Variants in SNTG2 observed in about 807,000 individuals in gnomAD.
SNTG2 encodes the protein gamma-2-syntrophin.
SNTG2 carries 74 observed loss-of-function variants against 70.9 expected under a neutral mutation model. That is an observed-to-expected ratio of 1.04 (90% CI 0.86 to 1.27). The LOEUF is 1.27. Among genes scored for constraint, SNTG2 ranks in the 50% most tolerant of loss-of-function variants. The probability of loss-of-function intolerance (pLI) is 0.00; values close to 1 mark genes in which losing one functional copy is unlikely to be tolerated. For synonymous variants in SNTG2, 278 were observed against 273.8 expected, an observed-to-expected ratio of 1.02 and a Z score of -0.15; for missense variants, 717 against 690.7, an observed-to-expected ratio of 1.04 and a Z score of -0.43.
chr2:1,250,468 ACT>A (rs748515720), intron 12 of SNTG2, among the ~76,000 whole-genome samples: 5 of 139,732 alleles, frequency 3.6e-5, no homozygotes, highest in Admixed American at 7.0e-5. Flanking sequence ...TCTCTGTCTG[ACT>A]CTCTCTGTGT....
intron 4 of SNTG2, chr2:1,102,713 AAG>A (rs1216623306): frequency 6.6e-6 from 1 of 152,320 alleles, no homozygotes; most frequent in Admixed American, 6.5e-5. Flanking sequence ...ATATCAGGGT[AAG>A]AGAATTTTTA....
intron 16 of SNTG2, among the ~76,000 whole-genome samples, chr2:1,350,150 C>A (rs185541321): frequency 6.6e-6 from 1 of 152,068 alleles, no homozygotes; most frequent in Non-Finnish European, 1.5e-5. Context: ...GACATTGCAT[C>A]CCCCTCCCTG....
intron 1 of SNTG2, among the ~76,000 whole-genome samples, chr2:1,012,074 C>T (rs1558309455): frequency 6.6e-6 from 1 of 152,212 alleles, no homozygotes; most frequent in South Asian, 2.1e-4. Context: ...ATCAAGCAAT[C>T]TCTAAATCAT....
At chr2:1,335,698 T>C (rs533717639) in intron 16 of SNTG2, among the ~76,000 whole-genome samples, 8 of 152,092 alleles carry the variant, frequency 5.3e-5, no homozygotes, top group African/African-American at 1.2e-4. Context: ...TGGGTCTGGA[T>C]TGAACACCGA....
intron 1 of SNTG2, among the ~76,000 whole-genome samples, chr2:979,508 G>GT (rs1016300159): frequency 2.0e-5 from 3 of 152,100 alleles, no homozygotes; most frequent in African/African-American, 4.8e-5. Context: ...TATCTTTGTG[G>GT]TTTTTACCAC....
chr2:1,314,169 T>C (rs1328703307), intron 15 of SNTG2, among the ~76,000 whole-genome samples: 1 of 152,208 alleles, frequency 6.6e-6, no homozygotes, highest in African/African-American at 2.4e-5. Context: ...CTGCGCTCTT[T>C]CTTCAAAATC....
intron 9 of SNTG2, among the ~76,000 whole-genome samples, chr2:1,221,453 CTCTCTG>C (rs1350095565): frequency 3.0e-5 from 4 of 131,484 alleles, no homozygotes; most frequent in East Asian, 2.6e-4. Context: ...GTCTCTGTCT[CTCTCTG>C]TCTCTGTCTC....
chr2:1,207,213 C>T (rs4610083), intron 8 of SNTG2, among the ~76,000 whole-genome samples: 49,318 of 152,090 alleles, frequency 0.32, 8,548 homozygotes, highest in East Asian at 0.66. Flanking sequence ...GTGTCATTCT[C>T]GTGCATGCAC....
intron 8 of SNTG2, among the ~76,000 whole-genome samples, chr2:1,190,129 C>A (rs1302536052): frequency 2.6e-5 from 4 of 151,714 alleles, no homozygotes; most frequent in African/African-American, 9.7e-5. Flanking sequence ...AAAGACCAAC[C>A]GAATTTGGGG....
intron 14 of SNTG2, among the ~76,000 whole-genome samples, chr2:1,305,412 C>T (rs568734511): frequency 2.0e-5 from 3 of 152,300 alleles, no homozygotes; most frequent in South Asian, 4.1e-4. Flanking sequence ...AGACTCCCTC[C>T]GATGTGGGAA....
At chr2:1,150,208 C>T (rs575426783) in intron 6 of SNTG2, among the ~76,000 whole-genome samples, 1 of 152,240 alleles carries the variant, frequency 6.6e-6, no homozygotes, top group Admixed American at 6.5e-5. Context: ...TGTGGAACCC[C>T]ATTCTCATAG....
At chr2:1,315,530 T>C (rs147023526) in intron 15 of SNTG2, among the ~76,000 whole-genome samples, 128 of 152,322 alleles carry the variant, frequency 8.4e-4, no homozygotes, top group African/African-American at 3.0e-3. Flanking sequence ...GATAAATATT[T>C]ATTATAATGA....
chr2:1,022,492 CCT>C (rs1481541779), intron 1 of SNTG2, among the ~76,000 whole-genome samples: 1 of 151,618 alleles, frequency 6.6e-6, no homozygotes, highest in Non-Finnish European at 1.5e-5. Flanking sequence ...CCCGTGAGTC[CCT>C]GAGTTCCCGA....
intron 1 of SNTG2, among the ~76,000 whole-genome samples, chr2:999,252 C>CAATT (rs1180653577): frequency 2.0e-5 from 3 of 152,018 alleles, no homozygotes; most frequent in Admixed American, 6.6e-5. Context: ...AACTAGGGAA[C>CAATT]AATTAACATT....
intron 1 of SNTG2, among the ~76,000 whole-genome samples, chr2:1,046,430 T>C (rs1213188629): frequency 2.0e-5 from 3 of 152,124 alleles, no homozygotes; most frequent in African/African-American, 7.2e-5. Flanking sequence ...GTAGATTTGA[T>C]TGAATAGTTG....
intron 1 of SNTG2, among the ~76,000 whole-genome samples, chr2:1,080,070 G>A (rs1664182930): frequency 6.6e-6 from 1 of 152,162 alleles, no homozygotes; most frequent in South Asian, 2.1e-4. Flanking sequence ...CTCCATGAGA[G>A]CCCCACGGGT....
At chr2:1,183,439 C>T (rs1476474519) in intron 8 of SNTG2, among the ~76,000 whole-genome samples, 1 of 152,120 alleles carries the variant, frequency 6.6e-6, no homozygotes, top group East Asian at 1.9e-4. Context: ...GGCAGTTTTT[C>T]AAACAGGTTG....
At chr2:1,025,079 C>T (rs1235055306) in intron 1 of SNTG2, among the ~76,000 whole-genome samples, 2 of 152,130 alleles carry the variant, frequency 1.3e-5, no homozygotes, top group African/African-American at 2.4e-5. Context: ...AACTATGTTC[C>T]CCACCAGAAC....
intron 9 of SNTG2, 46 bp from the exon 10 acceptor site, chr2:1,237,842 G>A (rs549616961): frequency 3.7e-5 from 57 of 1,559,236 alleles, no homozygotes; most frequent in South Asian, 1.4e-4. Flanking sequence ...AGGCAGGCCC[G>A]CTCCCGTCGC....
Sources: gnomAD v4.1 joint callset for allele counts (sites outside exome capture counted in the v4.1 genomes callset) on GRCh38, gnomAD v4.1.1 for gene constraint, MANE v1.5 for transcripts, NCBI Gene and HGNC (gene_info 2026-07-23, HGNC 2026-07-21) for gene names.